IFNGR2: variants seen among roughly 807,000 people sequenced by gnomAD.
IFNGR2 encodes IFN-gamma receptor 2.
In IFNGR2, 15 loss-of-function variants were observed where a neutral mutation model predicts 41.1. The observed-to-expected ratio is 0.37, with a 90% confidence interval of 0.24 to 0.56. IFNGR2 has a LOEUF of 0.56. IFNGR2 is among the 20% of genes least tolerant of loss of function. IFNGR2 has a pLI of 0.81. For synonymous variants in IFNGR2, 161 were observed against 171.6 expected (o/e 0.94, Z 0.48); for missense variants, 362 against 415.7 (o/e 0.87, Z 1.12).
intron 2 of IFNGR2, among the ~76,000 whole-genome samples, chr21:33,420,714 G>A (rs905117201): frequency 8.5e-5 from 13 of 152,054 alleles, no homozygotes; most frequent in African/African-American, 2.4e-4. Flanking sequence ...AATAGATAAC[G>A]AACTCTTACA....
At chr21:33,430,615 TTTA>T (rs1379413767) in intron 4 of IFNGR2, among the ~76,000 whole-genome samples, 2 of 152,022 alleles carry the variant, frequency 1.3e-5, no homozygotes, top group East Asian at 3.9e-4. Flanking sequence ...AGCTTATTTT[TTTA>T]TTATTATTTT....
At chr21:33,409,953 GT>G (rs1476527470) in intron 1 of IFNGR2, among the ~76,000 whole-genome samples, 1 of 151,948 alleles carries the variant, frequency 6.6e-6, no homozygotes, top group Non-Finnish European at 1.5e-5. Flanking sequence ...AAGATTTGGG[GT>G]TCGACCATTA....
At chr21:33,419,915 G>A (rs749666695) in intron 2 of IFNGR2, among the ~76,000 whole-genome samples, 9 of 152,184 alleles carry the variant, frequency 5.9e-5, no homozygotes, top group Non-Finnish European at 1.0e-4. Context: ...CTTGGAGGAG[G>A]AGGAGCGGGG....
chr21:33,403,649 C>T (rs2123322717), intron 1 of IFNGR2, 33 bp downstream of exon 1: 1 of 1,225,864 alleles, frequency 8.2e-7, no homozygotes, highest in Non-Finnish European at 1.0e-6. Context: ...CGGCGGGACG[C>T]GGGCGCAGCC....
At chr21:33,423,090 AGT>A (rs1366511361) in intron 3 of IFNGR2, among the ~76,000 whole-genome samples, 3 of 121,122 alleles carry the variant, frequency 2.5e-5, no homozygotes, top group Non-Finnish European at 4.8e-5. Context: ...CCCAGGCTGG[AGT>A]GCAGTGGCGC....
chr21:33,410,767 CAATTAG>C, intron 1 of IFNGR2: 1 of 1,074,378 alleles, frequency 9.3e-7, no homozygotes, highest in Non-Finnish European at 1.4e-6. Context: ...CACGCCCATC[CAATTAG>C]AATAACTTTT....
At chr21:33,426,764 A>T in intron 3 of IFNGR2, 120 bp from the exon 4 acceptor site, 1 of 542,466 alleles carries the variant, frequency 1.8e-6, no homozygotes, top group South Asian at 4.0e-5. Flanking sequence ...GTGTGTGTAT[A>T]TATCTACACC....
intron 3 of IFNGR2, among the ~76,000 whole-genome samples, chr21:33,425,822 C>T (rs773145328): frequency 8.5e-5 from 13 of 152,204 alleles, no homozygotes; most frequent in Non-Finnish European, 1.5e-4. Flanking sequence ...ATACACCTAA[C>T]CCTCACCAAC....
chr21:33,404,988 G>A lies in IFNGR2; in HGVS notation c.73+1372G>A, dbSNP rs546346137. Among the ~76,000 whole-genome samples the A allele has an allele frequency of 2.5e-3, 372 of 151,830 alleles. 14 individuals are homozygous for A. The highest frequency in any genetic ancestry group is 0.01 in the Middle Eastern group (3 of 294). ...AAAATACATAGCTGGGCGTGGTAGC[G>A]CCCGCCTGTAATCCCAACTACTCAG... On this transcript the variant is annotated intron_variant, in intron 1 of 6. Transcript: ENST00000290219.
In IFNGR2 at chr21:33,421,551, A is replaced by T. The variant is rs750188798; in HGVS notation, c.278A>T (p.Glu93Val). The change falls in exon 3 of 7, where the codon GAG (glutamate) becomes GTG (valine). Residue 93 changes from glutamate to valine, a missense_variant. Coordinates refer to ENST00000290219, the MANE Select transcript of IFNGR2 (RefSeq NM_005534.4). ...GVNCTQITATECDFTAASPSA... is the reference protein window; with the variant it reads ...GVNCTQITATVCDFTAASPSA... ...AATTGTACACAGATCACAGCAACAG[A>T]GTGTGACTTCACTGCCGCCAGTCCC... is the stretch of plus-strand genomic sequence containing the variant. 1.4e-5 allele frequency: 23 copies of T among 1,613,898 alleles called. No homozygotes were observed. Among genetic ancestry groups the T allele is most frequent in the Non-Finnish European group, 1.8e-5 (21 of 1,179,982 alleles).
At chr21:33,426,609 A>C (rs969332445) in intron 3 of IFNGR2, among the ~76,000 whole-genome samples, 1 of 151,892 alleles carries the variant, frequency 6.6e-6, no homozygotes, top group African/African-American at 2.4e-5. Context: ...AATCCCAGCT[A>C]CTTGAGAGGC....
Position 33,426,955 on chromosome 21 carries a change from C to A in IFNGR2, c.484C>A (p.Pro162Thr). The A allele has an allele frequency of 6.2e-7, 1 of 1,613,568 alleles. No homozygotes were observed. The highest frequency in any genetic ancestry group is 2.2e-5 in the East Asian group (1 of 44,890). ...EGSLIIRFSS[P>T]FDIADTSTAF... ...CTCCCTCATCATCAGGTTCTCCTCTCCCTTTGACATCGCTGATACCTCCAC... is the reference window on the plus strand; with the variant it reads ...CTCCCTCATCATCAGGTTCTCCTCTACCTTTGACATCGCTGATACCTCCAC... Residue 162 changes from proline (P) to threonine (T), a missense_variant, in exon 4 of 7, where the codon CCC becomes ACC. Pro to Thr is a conservative substitution (Grantham distance 38). Coordinates refer to ENST00000290219, the MANE Select transcript of IFNGR2 (RefSeq NM_005534.4).
chr21:33,426,992 G>A lies in IFNGR2; in HGVS notation c.521G>A (p.Cys174Tyr), dbSNP rs554716509. ...GCTGATACCTCCACGGCCTTTTTTT[G>A]TTATTATGTCCATTACTGGGAAAAA... is the stretch of plus-strand genomic sequence containing the variant. ...DIADTSTAFF[C>Y]YYVHYWEKGG... is the part of the protein sequence containing the mutation. Residue 174 changes from cysteine (C) to tyrosine (Y), a missense_variant, in exon 4 of 7, where the codon TGT (cysteine) becomes TAT (tyrosine). Cys to Tyr is a radical substitution (Grantham distance 194). Transcript: ENST00000290219. The A allele has an allele frequency of 2.5e-6, 4 of 1,613,154 alleles. No individual in the cohort carries two copies. The highest frequency in any genetic ancestry group is 2.2e-5 in the East Asian group (1 of 44,870).
chr21:33,413,921 C>G (rs994590839), intron 1 of IFNGR2, among the ~76,000 whole-genome samples: 4 of 144,206 alleles, frequency 2.8e-5, no homozygotes, highest in Non-Finnish European at 4.5e-5. Flanking sequence ...CAACCTCTGC[C>G]TCCTGGGTTC....
chr21:33,415,113 G>A lies in IFNGR2; in HGVS notation c.206+93G>A, dbSNP rs557503580. 1.5e-5 allele frequency: 22 copies of A among 1,469,828 alleles called. No individual in the cohort carries two copies. The South Asian group carries it at 2.5e-4, about 17-fold the overall frequency. The allele number at this position is 1,469,828 out of a possible 1,614,324, so 91.0% of individuals were successfully genotyped here. ...CATACTAGTCCCTGCCTCTGTGCAG[G>A]GTTTGTTATCAAACCCGTGGGAAAC... is the stretch of plus-strand genomic sequence containing the variant. On this transcript the variant is annotated intron_variant, in intron 2 of 6. Coordinates refer to ENST00000290219, the MANE Select transcript of IFNGR2 (RefSeq NM_005534.4).
At chr21:33,404,845 A>G (rs1017388669) in intron 1 of IFNGR2, among the ~76,000 whole-genome samples, 1 of 152,146 alleles carries the variant, frequency 6.6e-6, no homozygotes. Context: ...AACCAAAAGA[A>G]ACCCAGGCTT....
At chr21:33,414,866 C>G in intron 1 of IFNGR2, 22 bp from the exon 2 acceptor site, 3 of 1,605,140 alleles carry the variant, frequency 1.9e-6, no homozygotes, top group Non-Finnish European at 1.7e-6. Context: ...CCTCCCTCTT[C>G]TTTTTCTCTG....
intron 4 of IFNGR2, among the ~76,000 whole-genome samples, chr21:33,427,672 A>G (rs2083850187): frequency 6.6e-6 from 1 of 152,124 alleles, no homozygotes; most frequent in East Asian, 1.9e-4. Flanking sequence ...AAGCATCTCC[A>G]GTGCCTAAAT....
chr21:33,419,056 C>T (rs1385009791), intron 2 of IFNGR2, among the ~76,000 whole-genome samples: 6 of 152,176 alleles, frequency 3.9e-5, no homozygotes, highest in Non-Finnish European at 8.8e-5. Context: ...TGTTGTTCTA[C>T]ACTCTAAGAA....
Sources: allele counts gnomAD v4.1 joint callset (sites outside exome capture counted in the v4.1 genomes callset), GRCh38; gene constraint gnomAD v4.1.1; transcripts MANE v1.5; gene names NCBI Gene and HGNC (gene_info 2026-07-23, HGNC 2026-07-21).